Variants in ZNFX1 observed in about 807,000 individuals in gnomAD.
The protein encoded by ZNFX1 is NFX1-type zinc finger-containing protein 1.
ZNFX1 carries 78 observed loss-of-function variants against 179.8 expected under a neutral mutation model. That is an observed-to-expected ratio of 0.43 (90% CI 0.36 to 0.52). The LOEUF (loss-of-function observed/expected upper bound fraction) is 0.52. Among genes scored for constraint, ZNFX1 ranks in the 20% least tolerant of loss-of-function variants. The pLI is 0.00. For missense variants in ZNFX1, 1,927 were observed against 2,386.6 expected, an observed-to-expected ratio of 0.81 and a Z score of 4.01; for synonymous variants, 848 against 868.5, an observed-to-expected ratio of 0.98 and a Z score of 0.42.
At chr20:49,274,695 G>A (rs572289563) in intron 2 of ZNFX1, among the ~76,000 whole-genome samples, 1 of 151,112 alleles carries the variant, frequency 6.6e-6, no homozygotes, top group East Asian at 2.0e-4. Flanking sequence ...GGAGGTGGAG[G>A]TTGCAGTGAA....
chr20:49,276,565 C>T (rs943854709), intron 1 of ZNFX1, among the ~76,000 whole-genome samples: 5 of 152,218 alleles, frequency 3.3e-5, no homozygotes, highest in African/African-American at 9.6e-5. Flanking sequence ...CCTCCTCATT[C>T]TTCTACCTTG....
At chr20:49,268,846 C>A (rs1254073165) in intron 3 of ZNFX1, among the ~76,000 whole-genome samples, 1 of 152,008 alleles carries the variant, frequency 6.6e-6, no homozygotes, top group Non-Finnish European at 1.5e-5. Flanking sequence ...AAAAAAAAGT[C>A]AAAAAATAAC....
chr20:49,249,039 C>T lies in ZNFX1; in HGVS notation c.3985G>A (p.Glu1329Lys). The change falls in exon 14 of 14, where the codon GAA becomes AAA. Residue 1329 changes from glutamate (E) to lysine (K), a missense_variant. Glu to Lys is a moderately conservative substitution (Grantham distance 56). Coordinates refer to ENST00000396105, the MANE Select transcript of ZNFX1 (RefSeq NM_021035.3). ...CAAACAAGGGGACACCGGTGCCCTT[C>T]CTGACAGATGACCTTCTGGCATGGC... ...MKPCQKVICQ[E>K]GHRCPLVCFQ... 6.2e-7 allele frequency: 1 copy of T among 1,614,240 alleles called. No individual in the cohort carries two copies. The highest frequency in any genetic ancestry group is 1.1e-5 in the South Asian group (1 of 91,090).
At chr20:49,260,245 C>T (rs1296567108) in intron 7 of ZNFX1, among the ~76,000 whole-genome samples, 2 of 148,912 alleles carry the variant, frequency 1.3e-5, no homozygotes, top group East Asian at 1.9e-4. Flanking sequence ...GCCGAGATCA[C>T]ACCACTGCAC....
intron 8 of ZNFX1, among the ~76,000 whole-genome samples, chr20:49,256,870 T>TTATG (rs1980983151): frequency 6.6e-6 from 1 of 152,156 alleles, no homozygotes; most frequent in Non-Finnish European, 1.5e-5. Context: ...ATCATCATAG[T>TTATG]TATGCATGGT....
rs1303785668 is a variant in ZNFX1 at position 49,275,342 on chromosome 20, T to A, written c.61+437A>T. Among the ~76,000 whole-genome samples the A allele has an allele frequency of 2.0e-5, 3 of 151,986 alleles. No homozygotes were observed. The East Asian group carries it at 5.8e-4, about 29-fold the overall frequency. ...GTAATTAAGAAATAACTCATTCTTT[T>A]TTTTTTTGAGACAAGGTCTTTCTGT... is the stretch of plus-strand genomic sequence containing the variant. On this transcript the variant is annotated intron_variant, in intron 2 of 13. Coordinates refer to ENST00000396105, the MANE Select transcript of ZNFX1 (RefSeq NM_021035.3).
chr20:49,259,456 C>T (rs1336336852), intron 7 of ZNFX1, among the ~76,000 whole-genome samples: 3 of 149,690 alleles, frequency 2.0e-5, no homozygotes, highest in African/African-American at 4.9e-5. Flanking sequence ...GAGACTATGT[C>T]TGTCACTCAG....
chr20:49,246,604 T>C lies in ZNFX1; in HGVS notation c.*663A>G. 3.2e-6 allele frequency: 1 copy of C among 311,588 alleles called. No individual in the cohort carries two copies. Among genetic ancestry groups the C allele is most frequent in the Non-Finnish European group, 6.4e-6 (1 of 157,452 alleles). 19.3% of individuals were successfully genotyped at this position (311,588 alleles called of 1,614,324 possible). A position where few individuals can be genotyped will look rare whatever the true frequency, so the allele number is the denominator to read the frequency against. On this transcript the variant is annotated 3_prime_UTR_variant, in exon 14 of 14. Transcript: ENST00000396105. ...TTAGAATCGGTCTGCATCAATGAGC[T>C]CATACTCTGTTCCTGGGGAACAATG... is the stretch of plus-strand genomic sequence containing the variant.
chr20:49,275,712 T>C (rs1001667133), intron 2 of ZNFX1, 67 bp downstream of exon 2: 3 of 1,477,854 alleles, frequency 2.0e-6, no homozygotes, highest in South Asian at 1.1e-5. Context: ...TGCTCATTTA[T>C]AGAGAGCCCT....
chr20:49,274,378 A>G (rs1223084160), intron 2 of ZNFX1, among the ~76,000 whole-genome samples: 1 of 152,256 alleles, frequency 6.6e-6, no homozygotes, highest in Non-Finnish European at 1.5e-5. Context: ...GTCAATTATT[A>G]TAATCAAATA....
At chr20:49,251,476 C>T (rs1471816857) in intron 13 of ZNFX1, 51 bp downstream of exon 13, 2 of 1,551,660 alleles carry the variant, frequency 1.3e-6, no homozygotes, top group Non-Finnish European at 1.8e-6. Context: ...AAATTATAGC[C>T]TTTTTAGGTT....
chr20:49,254,216 G>A (rs900640268), intron 10 of ZNFX1, among the ~76,000 whole-genome samples: 3 of 151,980 alleles, frequency 2.0e-5, no homozygotes, highest in East Asian at 3.9e-4. Flanking sequence ...TAGTAGAGAT[G>A]AGATTTCACC....
At position 49,247,980 on chromosome 20, in the gene ZNFX1, A is replaced by C. The variant is rs770144933; in HGVS notation, c.5044T>G (p.Phe1682Val). 1 of 1,613,932 alleles carries C rather than the reference A, an allele frequency of 6.2e-7. No homozygotes were observed. The highest frequency in any genetic ancestry group is 1.3e-5 in the African/African-American group (1 of 74,902). The change falls in exon 14 of 14, where the codon TTC becomes GTC. Residue 1682 changes from phenylalanine (F) to valine (V), a missense_variant. Coordinates refer to ENST00000396105, the MANE Select transcript of ZNFX1 (RefSeq NM_021035.3). The part of the protein sequence containing the change: ...SLLHQLLPED[F>V]LMLKEKLAQK... ...GCCAGCTTCTCCTTTAACATCAGGAAGTCTTCAGGAAGCAGCTGGTGGAGG... is the reference window on the plus strand; with the variant it reads ...GCCAGCTTCTCCTTTAACATCAGGACGTCTTCAGGAAGCAGCTGGTGGAGG...
In ZNFX1 at chr20:49,271,545, G is replaced by A. The variant is rs147028345; in HGVS notation, c.267C>T (p.Ser89=). 8.7e-5 allele frequency: 140 copies of A among 1,613,956 alleles called. No individual in the cohort carries two copies. Among genetic ancestry groups the A allele is most frequent in the Non-Finnish European group, 1.1e-4 (135 of 1,180,032 alleles). Residue 89 remains serine, a synonymous_variant, in exon 3 of 14, where the codon AGC becomes AGT. Transcript: ENST00000396105. ...CATGTCTTTGGTCTCTAGCTTCGTC[G>A]CTGGCATGCCCCTCCTGGTTCCTCC... ...QGRRNQEGHA[S]DEARDQRHDQ...
Position 49,260,597 on chromosome 20 carries a change from C to A in ZNFX1, c.2302-20G>T. 1.3e-6 allele frequency: 2 copies of A among 1,548,008 alleles called. No individual in the cohort carries two copies. Among genetic ancestry groups the A allele is most frequent in the Non-Finnish European group, 1.8e-6 (2 of 1,133,050 alleles). The stretch of plus-strand genomic sequence containing the variant: ...ACTATCCTAAGGAAAGAAGAATGAT[C>A]ATTTGTGAGGATTCTATGACAACCA... On this transcript the variant is annotated intron_variant, in intron 6 of 13. Coordinates refer to ENST00000396105, the MANE Select transcript of ZNFX1 (RefSeq NM_021035.3).
At chr20:49,254,709 C>T (rs560486420) in intron 9 of ZNFX1, 60 bp from the exon 10 acceptor site, 47 of 1,583,204 alleles carry the variant, frequency 3.0e-5, no homozygotes, top group Middle Eastern at 2.2e-4. Flanking sequence ...GGTGGAAGAA[C>T]GCCCTTCAGT....
chr20:49,264,458 G>A (rs1298793099), intron 5 of ZNFX1, among the ~76,000 whole-genome samples: 1 of 152,146 alleles, frequency 6.6e-6, no homozygotes, highest in Non-Finnish European at 1.5e-5. Flanking sequence ...GTACACAGAG[G>A]TGCTGTGGGT....
Position 49,248,850 on chromosome 20 carries a change from C to T in ZNFX1, c.4174G>A (p.Glu1392Lys). 4 of 1,613,462 alleles carry T rather than the reference C, an allele frequency of 2.5e-6. No individual in the cohort carries two copies. The highest frequency in any genetic ancestry group is 3.4e-6 in the Non-Finnish European group (4 of 1,179,366). Reference protein sequence around the residue: ...CGHRCSHPCGEDCVQLCSEMV... With the variant: ...CGHRCSHPCGKDCVQLCSEMV... Reference sequence around the variant, plus strand: ...TCTGAACACAGCTGCACACAGTCCTCACCACATGGGTGGCTGCATCTGTGC... The same window carrying T: ...TCTGAACACAGCTGCACACAGTCCTTACCACATGGGTGGCTGCATCTGTGC... Residue 1392 changes from glutamate to lysine, a missense_variant, in exon 14 of 14, where the codon GAG becomes AAG. Glu to Lys is a moderately conservative substitution (Grantham distance 56). Transcript: ENST00000396105. This position sits in a 1 kb window ranked among gnomAD's most constrained non-coding sequence, Gnocchi z 4.6.
intron 1 of ZNFX1, among the ~76,000 whole-genome samples, chr20:49,276,130 C>G (rs1981552470): frequency 6.6e-6 from 1 of 152,198 alleles, no homozygotes; most frequent in African/African-American, 2.4e-5. Context: ...TTTACCCTGG[C>G]ACTTTCTTGG....
Sources: allele counts gnomAD v4.1 joint callset (sites outside exome capture counted in the v4.1 genomes callset), GRCh38; gene constraint gnomAD v4.1.1; non-coding constraint Gnocchi (gnomAD v3.1); transcripts MANE v1.5; gene names NCBI Gene and HGNC (gene_info 2026-07-23, HGNC 2026-07-21).